Variants in CUX2 observed in about 807,000 individuals in gnomAD.
CUX2 encodes the protein cut like homeobox 2.
CUX2 carries 40 observed loss-of-function variants against 144.8 expected under a neutral mutation model. That is an observed-to-expected ratio of 0.28 (90% CI 0.21 to 0.36). The LOEUF (loss-of-function observed/expected upper bound fraction) is 0.36. CUX2 is among the 10% of genes least tolerant of loss of function. The pLI, the probability that CUX2 is intolerant of heterozygous loss-of-function variation, is 1.00. For missense variants in CUX2, 1,615 were observed against 1,994.0 expected (o/e 0.81, Z 3.62); for synonymous variants, 827 against 875.6 (o/e 0.94, Z 0.98).
chr12:111,345,337 C>T (rs1463504135), intron 21 of CUX2, among the ~76,000 whole-genome samples: 5 of 148,722 alleles, frequency 3.4e-5, no homozygotes, highest in African/African-American at 1.0e-4. Flanking sequence ...CAGCTACTCC[C>T]GAGGCTGAGT....
chr12:111,188,957 C>A (rs1879717061), intron 1 of CUX2, among the ~76,000 whole-genome samples: 1 of 152,072 alleles, frequency 6.6e-6, no homozygotes, highest in African/African-American at 2.4e-5. Flanking sequence ...AAAAGCTGAT[C>A]CTCCCTCCCT....
chr12:111,327,378 C>T (rs1371719515), intron 18 of CUX2, among the ~76,000 whole-genome samples: 2 of 152,128 alleles, frequency 1.3e-5, no homozygotes, highest in African/African-American at 4.8e-5. Context: ...TTCAGTTCTT[C>T]GAACATATAT....
At chr12:111,088,914 G>T (rs1872401014) in intron 1 of CUX2, among the ~76,000 whole-genome samples, 1 of 152,124 alleles carries the variant, frequency 6.6e-6, no homozygotes, top group African/African-American at 2.4e-5. Context: ...GCGGTGGAGA[G>T]TCATCTTGGG....
At chr12:111,330,199 C>A (rs1287520510) in intron 18 of CUX2, among the ~76,000 whole-genome samples, 1 of 152,184 alleles carries the variant, frequency 6.6e-6, no homozygotes, top group Non-Finnish European at 1.5e-5. Context: ...CATGATGCTG[C>A]TACTTCGAAC....
At chr12:111,303,628 C>A (rs1164168463) in intron 9 of CUX2, among the ~76,000 whole-genome samples, 2 of 148,494 alleles carry the variant, frequency 1.3e-5, no homozygotes, top group African/African-American at 5.0e-5. Flanking sequence ...AAGAGTGAGA[C>A]TCCATCTCAA....
intron 4 of CUX2, among the ~76,000 whole-genome samples, chr12:111,264,238 C>G (rs1884270593): frequency 6.6e-6 from 1 of 152,264 alleles, no homozygotes; most frequent in South Asian, 2.1e-4. Context: ...ATGGCACAGC[C>G]AACCCCAAAA....
intron 1 of CUX2, among the ~76,000 whole-genome samples, chr12:111,069,074 C>T (rs1015817085): frequency 8.6e-5 from 13 of 152,020 alleles, no homozygotes; most frequent in Admixed American, 2.0e-4. Context: ...CCTCTGCATT[C>T]CAGCCTGGTG....
chr12:111,132,454 T>C (rs968557613), intron 1 of CUX2, among the ~76,000 whole-genome samples: 15 of 152,130 alleles, frequency 9.9e-5, no homozygotes, highest in South Asian at 4.1e-4. Context: ...TTGCTACTTA[T>C]GTAAATTTCT....
chr12:111,300,922 C>T (rs1238650425), intron 9 of CUX2, among the ~76,000 whole-genome samples: 2 of 151,772 alleles, frequency 1.3e-5, no homozygotes, highest in Non-Finnish European at 2.9e-5. Context: ...CCTGTAGTCC[C>T]AGCTGCTCAG....
In CUX2 at chr12:111,293,639, T is replaced by C; in HGVS notation, c.560+70T>C. ...GCTCCTGCTGCCCCACCTGGCTGGGTCGTGGACGGGGAAAGTCTCCTACCA... is the reference window on the plus strand; with the variant it reads ...GCTCCTGCTGCCCCACCTGGCTGGGCCGTGGACGGGGAAAGTCTCCTACCA... On this transcript the variant is annotated intron_variant, in intron 6 of 21. Transcript: ENST00000261726. The surrounding 1 kb of genome is among the most constrained non-coding windows in gnomAD (Gnocchi z 4.5). 2.6e-6 allele frequency: 4 copies of C among 1,517,092 alleles called. No individual in the cohort carries two copies. Among genetic ancestry groups the C allele is most frequent in the Non-Finnish European group, 3.5e-6 (4 of 1,129,138 alleles). The allele number at this position is 1,517,092 out of a possible 1,614,324, so 94.0% of individuals were successfully genotyped here. A position where few individuals can be genotyped will look rare whatever the true frequency, so the allele number is the denominator to read the frequency against.
At chr12:111,261,288 G>A (rs933560243) in intron 3 of CUX2, among the ~76,000 whole-genome samples, 7 of 152,160 alleles carry the variant, frequency 4.6e-5, no homozygotes, top group Middle Eastern at 3.2e-3. Flanking sequence ...TGATGTGTCC[G>A]TGGAGACAGA....
At chr12:111,080,186 G>A (rs1871801953) in intron 1 of CUX2, among the ~76,000 whole-genome samples, 1 of 152,040 alleles carries the variant, frequency 6.6e-6, no homozygotes. Flanking sequence ...GCTCTGTCTG[G>A]TGGTCTTTCA....
chr12:111,347,769 A>T lies in CUX2; in HGVS notation c.3905A>T (p.Gln1302Leu). Reference protein sequence around the residue: ...DKAQVRIKQEQMEEDAEEEAG... With the variant: ...DKAQVRIKQELMEEDAEEEAG... ...GCCCAAGTGAGGATCAAGCAGGAAC[A>T]GATGGAGGAGGATGCTGAGGAAGAG... The change falls in exon 22 of 22, where the codon CAG becomes CTG. Residue 1302 changes from glutamine (Q) to leucine (L), a missense_variant. This residue lies in a region of CUX2 where 298 missense variants were observed against 330.4 expected (regional missense o/e 0.90). Coordinates refer to ENST00000261726, the MANE Select transcript of CUX2 (RefSeq NM_015267.4). 6.2e-7 allele frequency: 1 copy of T among 1,613,858 alleles called. No individual in the cohort carries two copies. Among genetic ancestry groups the T allele is most frequent in the Non-Finnish European group, 8.5e-7 (1 of 1,179,930 alleles).
At chr12:111,252,030 G>A (rs949689545) in intron 3 of CUX2, among the ~76,000 whole-genome samples, 2 of 152,026 alleles carry the variant, frequency 1.3e-5, no homozygotes, top group African/African-American at 4.8e-5. Context: ...AAAAGAAAAC[G>A]AAAATATTAG....
At chr12:111,155,493 A>G (rs1877313191) in intron 1 of CUX2, among the ~76,000 whole-genome samples, 1 of 152,210 alleles carries the variant, frequency 6.6e-6, no homozygotes, top group South Asian at 2.1e-4. Context: ...AAAAATCCAA[A>G]CAGACTTGCA....
chr12:111,125,032 G>A (rs984519185), intron 1 of CUX2, among the ~76,000 whole-genome samples: 4 of 152,138 alleles, frequency 2.6e-5, no homozygotes, highest in African/African-American at 7.2e-5. Context: ...GGAGAAGTCC[G>A]GAGAAGAACC....
At chr12:111,100,243 GTGTGTGTCCTTGTGCCCCTT>G (rs1345790624) in intron 1 of CUX2, 3 of 353,826 alleles carry the variant, frequency 8.5e-6, no homozygotes, top group Non-Finnish European at 1.7e-5. Flanking sequence ...CCTTGTGCCT[GTGTGTGTCCTTGTGCCCCTT>G]TGTGTGTCCA....
chr12:111,089,095 A>G (rs951735002), intron 1 of CUX2, among the ~76,000 whole-genome samples: 2 of 152,234 alleles, frequency 1.3e-5, no homozygotes, highest in Admixed American at 6.5e-5. Flanking sequence ...CCTGCAGGAT[A>G]TTCCAAGTGG....
chr12:111,112,795 T>C (rs777324627), intron 1 of CUX2, among the ~76,000 whole-genome samples: 1 of 152,178 alleles, frequency 6.6e-6, no homozygotes. Flanking sequence ...TTCTCCTGTG[T>C]TTTATATTAT....
Sources: gnomAD v4.1 joint callset for allele counts (sites outside exome capture counted in the v4.1 genomes callset) on GRCh38, gnomAD v4.1.1 for gene constraint, gnomAD v4.1.1 regional missense constraint, Gnocchi (gnomAD v3.1) non-coding constraint, MANE v1.5 for transcripts, NCBI Gene and HGNC (gene_info 2026-07-23, HGNC 2026-07-21) for gene names.